The following SPATA17 variants were observed in gnomAD, a reference collection of about 807,000 sequenced individuals.
The protein encoded by SPATA17 is spermatogenesis associated 17.
SPATA17 carries 53 observed loss-of-function variants against 62.2 expected under a neutral mutation model. The observed-to-expected ratio is 0.85, with a 90% CI of 0.68 to 1.07. The LOEUF (loss-of-function observed/expected upper bound fraction) is 1.07. Ranked by LOEUF, SPATA17 falls within the 50% of genes least tolerant of loss-of-function variation. SPATA17 has a pLI of 0.00. For missense variants in SPATA17, 466 were observed against 425.5 expected (o/e 1.10, Z -0.84); for synonymous variants, 146 against 146.8 (o/e 0.99, Z 0.04).
chr1:217,808,404 A>T (rs897002568), intron 9 of SPATA17, among the ~76,000 whole-genome samples: 3 of 151,872 alleles, frequency 2.0e-5, no homozygotes, highest in Non-Finnish European at 4.4e-5. Context: ...TTTATACAGA[A>T]TGAAGTAGTG....
At chr1:217,763,987 C>T (rs963780688) in intron 6 of SPATA17, among the ~76,000 whole-genome samples, 2 of 152,106 alleles carry the variant, frequency 1.3e-5, no homozygotes, top group Non-Finnish European at 2.9e-5. Flanking sequence ...ATACTGCCTT[C>T]GGCTACACAT....
At chr1:217,749,985 C>CTCTCTCTA in intron 6 of SPATA17, among the ~76,000 whole-genome samples, 5 of 12,314 alleles carry the variant, frequency 4.1e-4, no homozygotes, top group Admixed American at 1.9e-3. Flanking sequence ...CTCTCTCTCT[C>CTCTCTCTA]TATATATATA....
At chr1:217,727,510 A>G (rs1672295580) in intron 5 of SPATA17, among the ~76,000 whole-genome samples, 1 of 152,088 alleles carries the variant, frequency 6.6e-6, no homozygotes, top group Admixed American at 6.6e-5. Context: ...ATGATTGCAT[A>G]AATTTTTGAA....
intron 3 of SPATA17, among the ~76,000 whole-genome samples, chr1:217,667,930 G>A (rs1440684394): frequency 6.6e-6 from 1 of 152,202 alleles, no homozygotes; most frequent in East Asian, 1.9e-4. Context: ...TGCTCAGACT[G>A]TTGATAAATA....
chr1:217,696,723 G>T (rs570119642), intron 5 of SPATA17, among the ~76,000 whole-genome samples: 1 of 152,050 alleles, frequency 6.6e-6, no homozygotes, highest in South Asian at 2.1e-4. Context: ...CAAACATTTT[G>T]AGTTCACAGT....
chr1:217,759,770 G>A (rs900746554), intron 6 of SPATA17, among the ~76,000 whole-genome samples: 7 of 152,126 alleles, frequency 4.6e-5, no homozygotes, highest in Non-Finnish European at 7.4e-5. Context: ...GTTTGAGAAC[G>A]AGTATACCAA....
At chr1:217,632,558 C>G (rs1485160669) in intron 1 of SPATA17, among the ~76,000 whole-genome samples, 3 of 152,204 alleles carry the variant, frequency 2.0e-5, no homozygotes, top group Admixed American at 1.3e-4. Context: ...GCACTGATCA[C>G]AATTCAATTT....
intron 1 of SPATA17, among the ~76,000 whole-genome samples, chr1:217,645,231 A>C (rs973554139): frequency 6.6e-6 from 1 of 152,156 alleles, no homozygotes; most frequent in Non-Finnish European, 1.5e-5. Context: ...TACACATAAT[A>C]ATATCCCAAA....
intron 5 of SPATA17, among the ~76,000 whole-genome samples, chr1:217,685,305 C>T (rs1671192576): frequency 6.6e-6 from 1 of 152,136 alleles, no homozygotes; most frequent in Admixed American, 6.6e-5. Flanking sequence ...AGGAGAAAGT[C>T]AAGGAGGCAA....
chr1:217,725,604 G>A (rs972180082), intron 5 of SPATA17, among the ~76,000 whole-genome samples: 4 of 151,920 alleles, frequency 2.6e-5, no homozygotes, highest in Non-Finnish European at 4.4e-5. Flanking sequence ...CTGGTATTAC[G>A]GGCCTGCACC....
chr1:217,712,674 G>A (rs538914597), intron 5 of SPATA17, among the ~76,000 whole-genome samples: 2 of 151,976 alleles, frequency 1.3e-5, no homozygotes, highest in African/African-American at 4.8e-5. Context: ...AATATTTCTA[G>A]CATTCTGATC....
chr1:217,750,047 G>A (rs370190515), intron 6 of SPATA17, among the ~76,000 whole-genome samples: 3 of 133,824 alleles, frequency 2.2e-5, no homozygotes, highest in East Asian at 4.3e-4. Flanking sequence ...GCCATATTGT[G>A]GAAATTCAGA....
rs200258194 is a variant in SPATA17 at position 217,865,299 on chromosome 1, C to A, written c.*3-1723C>A. On this transcript the variant is annotated intron_variant, in intron 10 of 10. Coordinates refer to ENST00000366933, the MANE Select transcript of SPATA17 (RefSeq NM_138796.4). ...ATTCACCCGACATCGCCTTTTACACCCAATACTACATTTTCCCATCAGTCC... is the reference window on the plus strand; with the variant it reads ...ATTCACCCGACATCGCCTTTTACACACAATACTACATTTTCCCATCAGTCC... 9.2e-5 allele frequency among the ~76,000 whole-genome samples: 14 copies of A among 152,246 alleles called. No homozygotes were observed. In the East Asian group the frequency reaches 2.1e-3, roughly 23 times the overall value.
intron 4 of SPATA17, among the ~76,000 whole-genome samples, chr1:217,680,437 C>G (rs1347353365): frequency 6.6e-6 from 1 of 152,046 alleles, no homozygotes; most frequent in Non-Finnish European, 1.5e-5. Context: ...GTGGTTCTAT[C>G]AATTCCTTCT....
At chr1:217,727,247 C>CAATAAT (rs59885913) in intron 5 of SPATA17, among the ~76,000 whole-genome samples, 3,074 of 132,656 alleles carry the variant, frequency 0.023, 28 homozygotes, top group South Asian at 0.048. Context: ...AACTCCGTCT[C>CAATAAT]AATAATAATA....
chr1:217,813,185 G>A (rs1044633048), intron 9 of SPATA17, among the ~76,000 whole-genome samples: 2 of 152,186 alleles, frequency 1.3e-5, no homozygotes, highest in African/African-American at 4.8e-5. Context: ...TAGATTTAAT[G>A]TGGCACATCG....
chr1:217,829,988 A>C (rs1558068346), intron 9 of SPATA17, among the ~76,000 whole-genome samples: 1 of 152,106 alleles, frequency 6.6e-6, no homozygotes, highest in Non-Finnish European at 1.5e-5. Flanking sequence ...CACTATAGTA[A>C]ACATTTTACT....
chr1:217,838,550 G>A (rs867472463), intron 9 of SPATA17, among the ~76,000 whole-genome samples: 2 of 151,962 alleles, frequency 1.3e-5, no homozygotes, highest in South Asian at 2.1e-4. Flanking sequence ...AATCCAAATG[G>A]ATTAAAAATT....
At chr1:217,712,122 T>G (rs1671880907) in intron 5 of SPATA17, among the ~76,000 whole-genome samples, 1 of 140,212 alleles carries the variant, frequency 7.1e-6, no homozygotes, top group African/African-American at 2.6e-5. Flanking sequence ...AGTTCTACAA[T>G]ATGTTCTTTT....
Sources: gnomAD v4.1 joint callset for allele counts (sites outside exome capture counted in the v4.1 genomes callset) on GRCh38, gnomAD v4.1.1 for gene constraint, MANE v1.5 for transcripts, NCBI Gene and HGNC (gene_info 2026-07-23, HGNC 2026-07-21) for gene names.